Variants in SMYD3 observed in about 807,000 individuals in gnomAD.
SMYD3 encodes the protein SET and MYND domain containing 3.
In SMYD3, 36 loss-of-function variants were observed where a neutral mutation model predicts 57.7. The observed-to-expected ratio is 0.62, with a 90% CI of 0.48 to 0.82. The LOEUF (loss-of-function observed/expected upper bound fraction) is 0.82. SMYD3 is among the 40% of genes least tolerant of loss of function. SMYD3 has a pLI of 0.00. For synonymous variants in SMYD3, 211 were observed against 195.0 expected, an observed-to-expected ratio of 1.08 and a Z score of -0.68; for missense variants, 515 against 538.8, an observed-to-expected ratio of 0.96 and a Z score of 0.44.
chr1:246,273,162 G>A (rs774733048), intron 5 of SMYD3, among the ~76,000 whole-genome samples: 3 of 46,726 alleles, frequency 6.4e-5, no homozygotes, highest in African/African-American at 1.9e-4. Context: ...TCTTTTTTTT[G>A]GGGGGGGGAC....
chr1:246,346,256 C>A (rs1168368149), intron 2 of SMYD3, among the ~76,000 whole-genome samples: 1 of 152,044 alleles, frequency 6.6e-6, no homozygotes, highest in Non-Finnish European at 1.5e-5. Context: ...GCACTCCAGT[C>A]TGGGCGACAG....
chr1:246,015,041 C>T (rs985893119), intron 5 of SMYD3, among the ~76,000 whole-genome samples: 3 of 152,116 alleles, frequency 2.0e-5, no homozygotes, highest in Non-Finnish European at 2.9e-5. Flanking sequence ...CAGATGGTCC[C>T]AGGCCATGGT....
At chr1:245,985,310 TCTC>T (rs970767516) in intron 5 of SMYD3, among the ~76,000 whole-genome samples, 2 of 152,160 alleles carry the variant, frequency 1.3e-5, no homozygotes, top group African/African-American at 4.8e-5. Flanking sequence ...AATCTAGACT[TCTC>T]TTCTAAACTT....
intron 1 of SMYD3, among the ~76,000 whole-genome samples, chr1:246,431,314 T>A (rs1350218480): frequency 6.6e-6 from 1 of 152,232 alleles, no homozygotes; most frequent in Non-Finnish European, 1.5e-5. Context: ...TTTGCTTTAA[T>A]TACAATGCTA....
intron 2 of SMYD3, among the ~76,000 whole-genome samples, chr1:246,345,884 AG>A (rs1270556271): frequency 6.6e-6 from 1 of 152,188 alleles, no homozygotes; most frequent in Non-Finnish European, 1.5e-5. Context: ...CTTAAACCCC[AG>A]GATCCCCTGA....
intron 5 of SMYD3, among the ~76,000 whole-genome samples, chr1:246,212,941 G>C (rs2063112176): frequency 6.6e-6 from 1 of 152,096 alleles, no homozygotes; most frequent in South Asian, 2.1e-4. Flanking sequence ...CCTTCCAGAA[G>C]ATATGGGGCC....
intron 5 of SMYD3, among the ~76,000 whole-genome samples, chr1:246,315,175 T>G (rs2065137002): frequency 6.6e-6 from 1 of 152,256 alleles, no homozygotes; most frequent in Admixed American, 6.5e-5. Context: ...AGCCCTAAAG[T>G]TGTATAATTT....
intron 11 of SMYD3, among the ~76,000 whole-genome samples, chr1:245,755,036 TAATC>T (rs1022934122): frequency 6.6e-6 from 1 of 152,192 alleles, no homozygotes; most frequent in South Asian, 2.1e-4. Context: ...TATCACTGTT[TAATC>T]AATCAATCAG....
chr1:246,218,232 A>G (rs1009043835), intron 5 of SMYD3, among the ~76,000 whole-genome samples: 17 of 152,092 alleles, frequency 1.1e-4, no homozygotes, highest in African/African-American at 4.1e-4. Context: ...AACCTGTTAA[A>G]AAAAAAGCCA....
At position 245,915,526 on chromosome 1, in the gene SMYD3, A is replaced by G. The variant is rs1175296901; in HGVS notation, c.813+4T>C. ...GTGTTTCAATCTGGTTCCATACTAC[A>G]TACCTTGTCCTGGGTTTGGCAACGG... On this transcript the variant is annotated splice_donor_region_variant and intron_variant, in intron 8 of 11. Transcript: ENST00000490107. 1 of 1,603,030 alleles carries G rather than the reference A, an allele frequency of 6.2e-7. No homozygotes were observed. Among genetic ancestry groups the G allele is most frequent in the East Asian group, 2.2e-5 (1 of 44,820 alleles).
chr1:246,302,120 T>G lies in SMYD3; in HGVS notation c.531+25081A>C, dbSNP rs185705849. 6.9e-4 allele frequency among the ~76,000 whole-genome samples: 105 copies of G among 152,296 alleles called. 2 individuals are homozygous for G. Among genetic ancestry groups the G allele is most frequent in the South Asian group, 4.6e-3 (22 of 4,818 alleles). Reference sequence around the variant, plus strand: ...CCCACCAGTGAAATACAATCACCACTAATCTTGGGGATTATGCTTAAGCAA... The same window carrying G: ...CCCACCAGTGAAATACAATCACCACGAATCTTGGGGATTATGCTTAAGCAA... On this transcript the variant is annotated intron_variant, in intron 5 of 11. Transcript: ENST00000490107.
At chr1:245,934,472 T>C (rs1173431480) in intron 5 of SMYD3, among the ~76,000 whole-genome samples, 2 of 152,140 alleles carry the variant, frequency 1.3e-5, no homozygotes, top group Admixed American at 6.5e-5. Context: ...CCTTAAGAGA[T>C]TAAAAATTGT....
chr1:246,208,006 A>T (rs918672891), intron 5 of SMYD3, among the ~76,000 whole-genome samples: 7 of 152,162 alleles, frequency 4.6e-5, no homozygotes, highest in African/African-American at 1.2e-4. Context: ...AAATTTTTTT[A>T]AAAATGAAGA....
intron 8 of SMYD3, among the ~76,000 whole-genome samples, chr1:245,896,342 T>C (rs1371097089): frequency 1.8e-5 from 2 of 110,206 alleles, no homozygotes; most frequent in Non-Finnish European, 3.4e-5. Flanking sequence ...TCCATAGTAA[T>C]GACAGGTAAA....
At chr1:245,872,878 T>G (rs2052286713) in intron 8 of SMYD3, among the ~76,000 whole-genome samples, 1 of 152,246 alleles carries the variant, frequency 6.6e-6, no homozygotes, top group African/African-American at 2.4e-5. Context: ...CTTGAAGGTA[T>G]GAAGTCAGAA....
intron 5 of SMYD3, among the ~76,000 whole-genome samples, chr1:246,292,295 A>C (rs918927145): frequency 6.6e-6 from 1 of 151,960 alleles, no homozygotes; most frequent in Non-Finnish European, 1.5e-5. Context: ...CCTTAGACTT[A>C]CTATCCAACA....
At chr1:246,312,533 C>T (rs2065096512) in intron 5 of SMYD3, among the ~76,000 whole-genome samples, 1 of 152,174 alleles carries the variant, frequency 6.6e-6, no homozygotes, top group South Asian at 2.1e-4. Flanking sequence ...CCTGGCACGG[C>T]TGGCTCAGGA....
At chr1:246,083,940 A>G (rs1373739749) in intron 5 of SMYD3, among the ~76,000 whole-genome samples, 2 of 152,172 alleles carry the variant, frequency 1.3e-5, no homozygotes, top group African/African-American at 4.8e-5. Flanking sequence ...AAATTTGAAA[A>G]TATGTCAAAA....
At chr1:246,285,117 T>C (rs1242041745) in intron 5 of SMYD3, among the ~76,000 whole-genome samples, 1 of 152,112 alleles carries the variant, frequency 6.6e-6, no homozygotes, top group South Asian at 2.1e-4. Flanking sequence ...CTCACCTCCC[T>C]CCACCCTGTC....
Sources: allele counts gnomAD v4.1 joint callset (sites outside exome capture counted in the v4.1 genomes callset), GRCh38; gene constraint gnomAD v4.1.1; transcripts MANE v1.5; gene names NCBI Gene and HGNC (gene_info 2026-07-23, HGNC 2026-07-21).